HMGXB4: variants seen among roughly 807,000 people sequenced by gnomAD.
The protein encoded by HMGXB4 is HMG-box containing 4.
Under a neutral mutation model 63.9 loss-of-function variants are expected in HMGXB4, and 27 were observed. That is an observed-to-expected ratio of 0.42 (90% CI 0.31 to 0.58). The LOEUF (loss-of-function observed/expected upper bound fraction) is 0.58, where lower values mean the gene tolerates loss of function less well. Ranked by LOEUF, HMGXB4 falls within the 20% of genes least tolerant of loss-of-function variation. The pLI is 0.13. For synonymous variants in HMGXB4, 264 were observed against 265.3 expected, an observed-to-expected ratio of 0.99 and a Z score of 0.05; for missense variants, 624 against 700.7, an observed-to-expected ratio of 0.89 and a Z score of 1.24.
At chr22:35,273,009 AT>A (rs1450680776) in intron 5 of HMGXB4, among the ~76,000 whole-genome samples, 1 of 152,194 alleles carries the variant, frequency 6.6e-6, no homozygotes, top group Non-Finnish European at 1.5e-5. Context: ...TTTCCAAAAT[AT>A]GCACATTTTC....
chr22:35,262,288 G>A, intron 1 of HMGXB4, 35 bp from the exon 2 acceptor site: 4 of 1,176,350 alleles, frequency 3.4e-6, no homozygotes, highest in South Asian at 1.2e-5. Context: ...CAGTGATTTC[G>A]CATTACAGGA....
chr22:35,245,340 TTTTG>T, the HMGXB4 span, among the ~76,000 whole-genome samples: 1 of 150,838 alleles, frequency 6.6e-6, no homozygotes, highest in Admixed American at 6.6e-5. Flanking sequence ...TTTTTTTTTT[TTTTG>T]GCTGAGACTA....
At chr22:35,247,733 TG>T in the HMGXB4 span, among the ~76,000 whole-genome samples, 1 of 150,804 alleles carries the variant, frequency 6.6e-6, no homozygotes, top group African/African-American at 2.5e-5. Flanking sequence ...GACTTTTTTT[TG>T]CTGGTTTGTT....
At chr22:35,273,648 A>G (rs1923738237) in intron 5 of HMGXB4, among the ~76,000 whole-genome samples, 1 of 152,252 alleles carries the variant, frequency 6.6e-6, no homozygotes, top group African/African-American at 2.4e-5. Flanking sequence ...CAAGGAGACT[A>G]TGTTTTATGC....
rs1923121257 is a variant in HMGXB4 at position 35,265,085 on chromosome 22, G to A, written c.697G>A (p.Gly233Ser). The change falls in exon 5 of 11, where the codon GGT (glycine) becomes AGT (serine). Residue 233 changes from glycine (G) to serine (S), a missense_variant. Transcript: ENST00000216106. ...SSKKSARDEQ[G>S]ALLLGHELQS... The stretch of plus-strand genomic sequence containing the variant: ...AAAGAAATCAGCTCGGGATGAGCAG[G>A]GTGCTTTACTCCTAGGACATGAGTT... The A allele has an allele frequency of 6.2e-6, 10 of 1,614,006 alleles. No homozygotes were observed. The East Asian group carries it at 2.2e-4, about 36-fold the overall frequency.
At chr22:35,280,410 G>A (rs1278396923) in intron 5 of HMGXB4, among the ~76,000 whole-genome samples, 1 of 152,146 alleles carries the variant, frequency 6.6e-6, no homozygotes, top group Non-Finnish European at 1.5e-5. Flanking sequence ...ATGCAGATTC[G>A]CTGGTCTTCA....
the HMGXB4 span, among the ~76,000 whole-genome samples, chr22:35,246,689 CATCTGGTATAT>C: frequency 2.0e-5 from 3 of 152,220 alleles, no homozygotes; most frequent in Non-Finnish European, 2.9e-5. Flanking sequence ...TCCAGCACCC[CATCTGGTATAT>C]ATCAGGCAAA....
chr22:35,262,660 TC>T, intron 2 of HMGXB4: 1 of 564,168 alleles, frequency 1.8e-6, no homozygotes, highest in East Asian at 3.0e-5. Flanking sequence ...ATTGGGGTGA[TC>T]CCCTGCAGCA....
intron 5 of HMGXB4, among the ~76,000 whole-genome samples, chr22:35,266,346 T>C (rs895649715): frequency 6.6e-6 from 1 of 152,224 alleles, no homozygotes; most frequent in Non-Finnish European, 1.5e-5. Context: ...CACCAGCTGG[T>C]GTTGGCTACT....
the HMGXB4 span, among the ~76,000 whole-genome samples, chr22:35,249,273 G>C: frequency 2.0e-5 from 2 of 97,592 alleles, 1 homozygote; most frequent in East Asian, 5.8e-4. Flanking sequence ...TGACCAGGCT[G>C]GTCCCGAACT....
intron 5 of HMGXB4, among the ~76,000 whole-genome samples, chr22:35,280,378 A>G (rs1464548310): frequency 6.6e-6 from 1 of 152,238 alleles, no homozygotes; most frequent in Non-Finnish European, 1.5e-5. Context: ...CGTAACGAGT[A>G]AATAGCGTGG....
At chr22:35,270,203 C>G (rs1601630701) in intron 5 of HMGXB4, among the ~76,000 whole-genome samples, 1 of 152,220 alleles carries the variant, frequency 6.6e-6, no homozygotes, top group Middle Eastern at 3.4e-3. Context: ...ACAGCCACTC[C>G]CTGTCGCTCA....
chr22:35,274,151 G>A (rs1923764180), intron 5 of HMGXB4, among the ~76,000 whole-genome samples: 1 of 152,200 alleles, frequency 6.6e-6, no homozygotes, highest in Non-Finnish European at 1.5e-5. Flanking sequence ...TGGGCGCGGA[G>A]TACTGAGAGA....
intron 5 of HMGXB4, among the ~76,000 whole-genome samples, chr22:35,277,742 A>G (rs565675267): frequency 1.3e-5 from 2 of 152,284 alleles, no homozygotes; most frequent in Non-Finnish European, 2.9e-5. Flanking sequence ...AATTGAGAGG[A>G]AAGTACAGAG....
the HMGXB4 span, among the ~76,000 whole-genome samples, chr22:35,244,925 T>C: frequency 1.2e-3 from 187 of 152,314 alleles, 1 homozygote; most frequent in African/African-American, 4.4e-3. Flanking sequence ...TAAATTTATG[T>C]TCAAGTACAG....
the HMGXB4 span, among the ~76,000 whole-genome samples, chr22:35,250,920 C>G: frequency 6.6e-6 from 1 of 152,130 alleles, no homozygotes; most frequent in Non-Finnish European, 1.5e-5. Flanking sequence ...TTTTCAAACA[C>G]CTGCAGGAAA....
chr22:35,259,435 A>G (rs1160713370), intron 1 of HMGXB4, among the ~76,000 whole-genome samples: 1 of 152,322 alleles, frequency 6.6e-6, no homozygotes, highest in East Asian at 1.9e-4. Flanking sequence ...TCTAATGTGA[A>G]AATCAAACCT....
chr22:35,259,049 T>C (rs576818956), intron 1 of HMGXB4, among the ~76,000 whole-genome samples: 2 of 152,374 alleles, frequency 1.3e-5, no homozygotes, highest in East Asian at 1.9e-4. Context: ...TGAGGACTTT[T>C]TCCTCCTGAT....
In HMGXB4 at chr22:35,294,794, C is replaced by T. The variant is rs1925165191; in HGVS notation, c.*1143C>T. The T allele has an allele frequency of 1.3e-5, 2 of 152,098 alleles. No individual in the cohort carries two copies. The highest frequency in any genetic ancestry group is 2.9e-5 in the Non-Finnish European group (2 of 68,018). 9.4% of individuals were successfully genotyped at this position (152,098 alleles called of 1,614,324 possible). On this transcript the variant is annotated 3_prime_UTR_variant, in exon 11 of 11. Coordinates refer to ENST00000216106, the MANE Select transcript of HMGXB4 (RefSeq NM_001003681.3). Reference sequence around the variant, plus strand: ...AGATTTGTCATTTCTCCCTTCCGCCCTCCCTTCTTTCCTTCCTTCCTTCCC... The same window carrying T: ...AGATTTGTCATTTCTCCCTTCCGCCTTCCCTTCTTTCCTTCCTTCCTTCCC...
Sources: allele counts gnomAD v4.1 joint callset (sites outside exome capture counted in the v4.1 genomes callset), GRCh38; gene constraint gnomAD v4.1.1; transcripts MANE v1.5; gene names NCBI Gene and HGNC (gene_info 2026-07-23, HGNC 2026-07-21).